The following MSR1 variants were observed in gnomAD, a reference collection of about 807,000 sequenced individuals.
MSR1 encodes macrophage scavenger receptor 1.
In MSR1, 53 loss-of-function variants were observed where a neutral mutation model predicts 47.2. The ratio of observed to expected loss-of-function variants is 1.12; its 90% CI spans 0.90 to 1.41. The LOEUF is 1.41. Among genes scored for constraint, MSR1 ranks in the 40% most tolerant of loss-of-function variants. The pLI, the probability that MSR1 is intolerant of heterozygous loss-of-function variation, is 0.00. For synonymous variants in MSR1, 239 were observed against 185.6 expected (o/e 1.29, Z -2.34); for missense variants, 786 against 546.9 (o/e 1.44, Z -4.36).
intron 2 of MSR1, among the ~76,000 whole-genome samples, chr8:16,177,076 G>C (rs1387484683): frequency 1.3e-5 from 2 of 152,162 alleles, no homozygotes; most frequent in African/African-American, 2.4e-5. Context: ...ATCCTGTTGA[G>C]ATACAGCTGA....
chr8:16,146,851 A>C (rs1800712744), intron 7 of MSR1, among the ~76,000 whole-genome samples: 1 of 152,176 alleles, frequency 6.6e-6, no homozygotes, highest in South Asian at 2.1e-4. Context: ...TTTGTCTTTT[A>C]ATCTCTGGCC....
At chr8:16,171,964 T>C (rs1310637425) in intron 3 of MSR1, among the ~76,000 whole-genome samples, 2 of 152,186 alleles carry the variant, frequency 1.3e-5, no homozygotes, top group Admixed American at 6.5e-5. Flanking sequence ...CTTCCTGGCA[T>C]GTAATAAGCA....
intron 5 of MSR1, among the ~76,000 whole-genome samples, chr8:16,157,802 T>C (rs957339528): frequency 6.6e-6 from 1 of 151,986 alleles, no homozygotes; most frequent in Non-Finnish European, 1.5e-5. Context: ...GGACTATTGC[T>C]AGAGATTTTT....
intron 5 of MSR1, among the ~76,000 whole-genome samples, chr8:16,159,039 G>C (rs1033981972): frequency 2.0e-5 from 3 of 149,086 alleles, no homozygotes; most frequent in Admixed American, 6.8e-5. Flanking sequence ...TGAAGTGCTG[G>C]AATTATATTG....
chr8:16,172,065 G>A lies in MSR1; in HGVS notation c.217+3122C>T, dbSNP rs141706047. 7.7e-3 allele frequency among the ~76,000 whole-genome samples: 1,173 copies of A among 152,256 alleles called. 5 individuals carry two copies. The highest frequency in any genetic ancestry group is 0.022 in the South Asian group (107 of 4,828). On this transcript the variant is annotated intron_variant, in intron 3 of 9. Coordinates refer to ENST00000262101, the MANE Select transcript of MSR1 (RefSeq NM_138715.3). ...ATATGCCCAATATTGATTAACTATG[G>A]GGAAGTAGCATTGTGTGATAAAAAT...
At chr8:16,142,131 C>T (rs144137420) in intron 8 of MSR1, among the ~76,000 whole-genome samples, 4 of 152,004 alleles carry the variant, frequency 2.6e-5, no homozygotes, top group African/African-American at 9.6e-5. Context: ...GGGATCGAGA[C>T]CAGCCTGGTC....
intron 1 of MSR1, among the ~76,000 whole-genome samples, chr8:16,187,452 T>A (rs1224699545): frequency 2.7e-5 from 4 of 145,548 alleles, no homozygotes; most frequent in African/African-American, 1.0e-4. Context: ...ATTTTCAACC[T>A]ACAACCCCTT....
chr8:16,161,215 T>A (rs958411321), intron 5 of MSR1, among the ~76,000 whole-genome samples: 10 of 151,672 alleles, frequency 6.6e-5, no homozygotes, highest in Non-Finnish European at 1.2e-4. Flanking sequence ...GACTTACAAA[T>A]GGATTACATA....
chr8:16,129,939 A>C (rs1463115565), intron 8 of MSR1, among the ~76,000 whole-genome samples: 1 of 152,156 alleles, frequency 6.6e-6, no homozygotes, highest in Non-Finnish European at 1.5e-5. Flanking sequence ...GTTTCTTCAA[A>C]GGGCAGGAAA....
chr8:16,131,555 C>CA (rs988692240), intron 8 of MSR1, among the ~76,000 whole-genome samples: 1 of 148,510 alleles, frequency 6.7e-6, no homozygotes, highest in Admixed American at 6.9e-5. Flanking sequence ...AAATCTTTAC[C>CA]AGGTCCTATG....
chr8:16,119,621 G>C (rs1045598163), intron 9 of MSR1, among the ~76,000 whole-genome samples: 3 of 152,086 alleles, frequency 2.0e-5, no homozygotes, highest in African/African-American at 7.2e-5. Context: ...GTGGCATATA[G>C]TCATTACTCA....
At chr8:16,158,814 G>A (rs959270483) in intron 5 of MSR1, among the ~76,000 whole-genome samples, 2 of 150,492 alleles carry the variant, frequency 1.3e-5, no homozygotes, top group African/African-American at 4.9e-5. Context: ...ATGCTACCAT[G>A]TTCTAAATTT....
intron 4 of MSR1, among the ~76,000 whole-genome samples, chr8:16,166,769 T>C (rs1401010710): frequency 6.6e-6 from 1 of 152,184 alleles, no homozygotes; most frequent in African/African-American, 2.4e-5. Flanking sequence ...CCTTGATAAG[T>C]GTTATGCTGG....
At chr8:16,130,288 T>C (rs1169064825) in intron 8 of MSR1, among the ~76,000 whole-genome samples, 1 of 152,162 alleles carries the variant, frequency 6.6e-6, no homozygotes, top group African/African-American at 2.4e-5. Flanking sequence ...GGTAATTCTG[T>C]GTCCTGCAAG....
At chr8:16,141,181 A>T (rs1800547882) in intron 8 of MSR1, 1 of 915,502 alleles carries the variant, frequency 1.1e-6, no homozygotes, top group Non-Finnish European at 1.7e-6. Context: ...GTGGGGAATC[A>T]GGCACTTTCA....
At chr8:16,161,995 G>A (rs917297628) in intron 5 of MSR1, among the ~76,000 whole-genome samples, 1 of 151,990 alleles carries the variant, frequency 6.6e-6, no homozygotes, top group African/African-American at 2.4e-5. Context: ...GTAAGTTACA[G>A]AGGAAAGGAG....
chr8:16,146,645 G>T (rs1800707171), intron 7 of MSR1, among the ~76,000 whole-genome samples: 1 of 151,980 alleles, frequency 6.6e-6, no homozygotes, highest in South Asian at 2.1e-4. Context: ...CTTTTTTCAT[G>T]CTCTGTTCTC....
intron 1 of MSR1, among the ~76,000 whole-genome samples, chr8:16,187,364 C>CAAAAAAAAAAAAAA (rs751848634): frequency 2.8e-5 from 1 of 35,414 alleles, no homozygotes; most frequent in African/African-American, 1.2e-4. Context: ...ACTCTGTCTC[C>CAAAAAAAAAAAAAA]AAAAAAAAAA....
chr8:16,190,845 CG>C (rs1279022447), intron 1 of MSR1, among the ~76,000 whole-genome samples: 1 of 151,942 alleles, frequency 6.6e-6, no homozygotes, highest in African/African-American at 2.4e-5. Flanking sequence ...CCTCAGACTC[CG>C]GAGTAACTGG....
Sources: gnomAD v4.1 joint callset for allele counts (sites outside exome capture counted in the v4.1 genomes callset) on GRCh38, gnomAD v4.1.1 for gene constraint, MANE v1.5 for transcripts, NCBI Gene and HGNC (gene_info 2026-07-23, HGNC 2026-07-21) for gene names.